The following PBX1 variants were observed in gnomAD, a reference collection of about 807,000 sequenced individuals.
The protein encoded by PBX1 is pre-B-cell leukemia transcription factor 1.
In PBX1, 6 loss-of-function variants were observed where a neutral mutation model predicts 53.4. That is an observed-to-expected ratio of 0.11 (90% CI 0.06 to 0.22). The LOEUF (loss-of-function observed/expected upper bound fraction) is 0.22. Among genes scored for constraint, PBX1 ranks in the 10% least tolerant of loss-of-function variants. The pLI is 1.00. For synonymous variants in PBX1, 204 were observed against 212.3 expected, an observed-to-expected ratio of 0.96 and a Z score of 0.34; for missense variants, 251 against 551.4, an observed-to-expected ratio of 0.46 and a Z score of 5.46.
chr1:164,825,234 C>G (rs1481032974), intron 8 of PBX1, among the ~76,000 whole-genome samples: 4 of 152,178 alleles, frequency 2.6e-5, no homozygotes, highest in Non-Finnish European at 5.9e-5. Flanking sequence ...CTATCCAAAT[C>G]ACACTGAGTC....
intron 2 of PBX1, among the ~76,000 whole-genome samples, chr1:164,649,078 G>T (rs573370861): frequency 6.6e-6 from 1 of 152,106 alleles, no homozygotes; most frequent in East Asian, 1.9e-4. Flanking sequence ...ATTTTCAGGG[G>T]GTCCATGCTA....
At chr1:164,877,992 T>C (rs1672556881) in intron 2 of PBX1, among the ~76,000 whole-genome samples, 1 of 152,228 alleles carries the variant, frequency 6.6e-6, no homozygotes, top group African/African-American at 2.4e-5. Flanking sequence ...CACTATATAC[T>C]CTTTCTTGTC....
downstream of PBX1, among the ~76,000 whole-genome samples, chr1:164,853,515 C>T (rs1401202273): frequency 6.6e-6 from 1 of 152,218 alleles, no homozygotes; most frequent in African/African-American, 2.4e-5. Context: ...AGGGATTTAA[C>T]AGGGGCCAGA....
At chr1:164,611,073 G>T (rs1656890148) in intron 2 of PBX1, among the ~76,000 whole-genome samples, 1 of 151,922 alleles carries the variant, frequency 6.6e-6, no homozygotes, top group Admixed American at 6.6e-5. Context: ...ATGTTCTTTT[G>T]CTCACTTTCT....
chr1:164,669,055 A>G (rs930905207), intron 2 of PBX1, among the ~76,000 whole-genome samples: 5 of 152,020 alleles, frequency 3.3e-5, no homozygotes, highest in Admixed American at 6.5e-5. Flanking sequence ...CAAAGGGAAT[A>G]TAAAGGGGGT....
chr1:164,648,613 G>A (rs1365482835), intron 2 of PBX1, among the ~76,000 whole-genome samples: 1 of 152,150 alleles, frequency 6.6e-6, no homozygotes, highest in African/African-American at 2.4e-5. Context: ...TAGAGAAGGG[G>A]ATCAAACTTG....
At chr1:164,671,684 T>C (rs989409367) in intron 2 of PBX1, among the ~76,000 whole-genome samples, 4 of 152,096 alleles carry the variant, frequency 2.6e-5, no homozygotes, top group Non-Finnish European at 4.4e-5. Flanking sequence ...GGCTGATTTT[T>C]TCTGGGGGGC....
intron 2 of PBX1, among the ~76,000 whole-genome samples, chr1:164,692,648 C>T (rs1335270556): frequency 2.0e-5 from 3 of 152,058 alleles, no homozygotes; most frequent in Middle Eastern, 3.4e-3. Flanking sequence ...CAGGTGTGAG[C>T]GTGGGGAATA....
At chr1:164,581,240 T>G (rs1291294271) in intron 2 of PBX1, among the ~76,000 whole-genome samples, 3 of 151,674 alleles carry the variant, frequency 2.0e-5, no homozygotes, top group African/African-American at 7.3e-5. Context: ...TTTTTTTTTT[T>G]TTTTTGAGAT....
At chr1:164,611,057 C>G (rs1190898940) in intron 2 of PBX1, among the ~76,000 whole-genome samples, 1 of 152,116 alleles carries the variant, frequency 6.6e-6, no homozygotes, top group Non-Finnish European at 1.5e-5. Context: ...CTCCATAATC[C>G]TCCCCATGTT....
intron 2 of PBX1, among the ~76,000 whole-genome samples, chr1:164,612,383 G>A (rs996684923): frequency 6.6e-6 from 1 of 152,060 alleles, no homozygotes. Context: ...ACCACAGAAA[G>A]GAAAGGGGGA....
At chr1:164,877,008 G>A (rs1558056337) in intron 2 of PBX1, among the ~76,000 whole-genome samples, 3 of 152,174 alleles carry the variant, frequency 2.0e-5, no homozygotes, top group East Asian at 3.9e-4. Context: ...AGTGATAGAG[G>A]AAGTACCATG....
chr1:164,817,306 A>G (rs1669920285), intron 6 of PBX1: 1 of 152,172 alleles, frequency 6.6e-6, no homozygotes, highest in Admixed American at 6.5e-5. Context: ...TGTGCTTCCC[A>G]GGAGGTTATC....
At chr1:164,817,036 G>A (rs1353388696) in intron 6 of PBX1, 2 of 152,110 alleles carry the variant, frequency 1.3e-5, no homozygotes, top group African/African-American at 2.4e-5. Context: ...GTTGAGTGTA[G>A]ATTTAGTTCT....
rs1571524685 is a variant in PBX1 at position 164,848,570 on chromosome 1, A to G, written c.*1894A>G. On this transcript the variant is annotated 3_prime_UTR_variant, in exon 9 of 9. Coordinates refer to ENST00000420696, the MANE Select transcript of PBX1 (RefSeq NM_002585.4). The stretch of plus-strand genomic sequence containing the variant: ...TGATGTCATCACCGTGATGACAAAG[A>G]GAAGAGTTATTGTTGATCTTCTTGG... 6 of 1,059,832 alleles carry G rather than the reference A, an allele frequency of 5.7e-6. No individual in the cohort carries two copies. The highest frequency in any genetic ancestry group is 6.8e-6 in the Non-Finnish European group (6 of 875,920). 65.7% of individuals were successfully genotyped at this position (1,059,832 alleles called of 1,614,324 possible).
chr1:164,577,670 C>G (rs1352512316), intron 2 of PBX1, among the ~76,000 whole-genome samples: 1 of 152,246 alleles, frequency 6.6e-6, no homozygotes, highest in African/African-American at 2.4e-5. Flanking sequence ...CCAGCAGGTC[C>G]TGCAGTAGAC....
chr1:164,844,408 ATCTACCTGTCTG>A (rs1194871013), intron 8 of PBX1, among the ~76,000 whole-genome samples: 2 of 151,934 alleles, frequency 1.3e-5, no homozygotes, highest in Non-Finnish European at 2.9e-5. Flanking sequence ...CTACCTGCCT[ATCTACCTGTCTG>A]TCTACTTATC....
chr1:164,618,480 T>G (rs1657450588), intron 2 of PBX1, among the ~76,000 whole-genome samples: 2 of 152,240 alleles, frequency 1.3e-5, no homozygotes, highest in South Asian at 4.1e-4. Context: ...TTCAGTGATC[T>G]GATAATTTGG....
At chr1:164,725,443 C>T (rs545314585) in intron 2 of PBX1, among the ~76,000 whole-genome samples, 3 of 152,064 alleles carry the variant, frequency 2.0e-5, no homozygotes, top group African/African-American at 7.2e-5. Context: ...CCCGTGTAAC[C>T]ATGTTCTGCA....
Sources: allele counts gnomAD v4.1 joint callset (sites outside exome capture counted in the v4.1 genomes callset), GRCh38; gene constraint gnomAD v4.1.1; transcripts MANE v1.5; gene names NCBI Gene and HGNC (gene_info 2026-07-23, HGNC 2026-07-21).